KCNIP4: variants seen among roughly 807,000 people sequenced by gnomAD.
The protein encoded by KCNIP4 is Kv channel-interacting protein 4.
In KCNIP4, 12 loss-of-function variants were observed where a neutral mutation model predicts 34.0. That is an observed-to-expected ratio of 0.35 (90% CI 0.23 to 0.57). The LOEUF is 0.57. KCNIP4 is among the 20% of genes least tolerant of loss of function. KCNIP4 has a pLI of 0.83. For synonymous variants in KCNIP4, 124 were observed against 102.2 expected, an observed-to-expected ratio of 1.21 and a Z score of -1.29; for missense variants, 238 against 311.7, an observed-to-expected ratio of 0.76 and a Z score of 1.78.
chr4:20,760,346 T>C (rs1407160631), intron 3 of KCNIP4, among the ~76,000 whole-genome samples: 1 of 152,166 alleles, frequency 6.6e-6, no homozygotes, highest in African/African-American at 2.4e-5. Flanking sequence ...TACTCTAAAT[T>C]TGATACTGTT....
intron 1 of KCNIP4, among the ~76,000 whole-genome samples, chr4:21,102,353 C>T (rs1160893222): frequency 6.6e-6 from 1 of 152,024 alleles, no homozygotes; most frequent in Non-Finnish European, 1.5e-5. Flanking sequence ...ATTAAATATC[C>T]ATGAGCTATA....
chr4:21,204,443 T>A (rs572195225), intron 1 of KCNIP4, among the ~76,000 whole-genome samples: 6 of 152,278 alleles, frequency 3.9e-5, no homozygotes, highest in Admixed American at 3.9e-4. Flanking sequence ...AATCGTAAAG[T>A]GCTTGCAGAA....
At chr4:21,122,615 C>T (rs1481185015) in intron 1 of KCNIP4, among the ~76,000 whole-genome samples, 1 of 152,072 alleles carries the variant, frequency 6.6e-6, no homozygotes, top group East Asian at 1.9e-4. Context: ...ATATGTTGTT[C>T]CACAGTCATT....
intron 1 of KCNIP4, among the ~76,000 whole-genome samples, chr4:21,257,539 G>C (rs1435768251): frequency 6.6e-6 from 1 of 152,034 alleles, no homozygotes; most frequent in Non-Finnish European, 1.5e-5. Context: ...CCTGAGGTCA[G>C]GAGTTTGAGG....
intron 1 of KCNIP4, among the ~76,000 whole-genome samples, chr4:21,047,895 A>T (rs2149787689): frequency 6.6e-6 from 1 of 152,334 alleles, no homozygotes; most frequent in South Asian, 2.1e-4. Context: ...TCATTTTTAA[A>T]AATAAGTTTC....
chr4:21,042,403 G>A (rs981792177), intron 1 of KCNIP4, among the ~76,000 whole-genome samples: 2 of 152,080 alleles, frequency 1.3e-5, no homozygotes, highest in Admixed American at 6.6e-5. Context: ...ATAAGCCTGG[G>A]GAGCATTAGG....
intron 1 of KCNIP4, among the ~76,000 whole-genome samples, chr4:21,630,439 C>A (rs1437082954): frequency 6.9e-6 from 1 of 144,758 alleles, no homozygotes; most frequent in Non-Finnish European, 1.5e-5. Flanking sequence ...AGCCTGGCAA[C>A]AGAGGGAGAT....
At position 20,931,290 on chromosome 4, in the gene KCNIP4, C is replaced by A. The variant is rs145172644; in HGVS notation, c.62-48581G>T. 6.1e-3 allele frequency among the ~76,000 whole-genome samples: 927 copies of A among 151,966 alleles called. 11 individuals carry two copies. The highest frequency in any genetic ancestry group is 0.021 in the African/African-American group (876 of 41,460). ...CCATGACATGGAGGCATGGGTATAC[C>A]TGAAAAATATTATGCTAAATGAAAT... is the stretch of plus-strand genomic sequence containing the variant. On this transcript the variant is annotated intron_variant, in intron 1 of 8. Transcript: ENST00000382152.
At chr4:21,633,033 C>T (rs1745873318) in intron 1 of KCNIP4, among the ~76,000 whole-genome samples, 1 of 152,164 alleles carries the variant, frequency 6.6e-6, no homozygotes, top group African/African-American at 2.4e-5. Flanking sequence ...CTTCGGGTCA[C>T]AGACGTTTTA....
chr4:20,864,123 T>TATACACATCCATGTATGC (rs1722554784), intron 2 of KCNIP4, among the ~76,000 whole-genome samples: 2 of 120,512 alleles, frequency 1.7e-5, no homozygotes, highest in African/African-American at 5.2e-5. Flanking sequence ...CATATCCATG[T>TATACACATCCATGTATGC]ATACACATGT....
At chr4:21,681,216 G>A (rs182847734) in intron 1 of KCNIP4, among the ~76,000 whole-genome samples, 39 of 151,650 alleles carry the variant, frequency 2.6e-4, no homozygotes, top group East Asian at 9.7e-4. Flanking sequence ...CTGGGACTAC[G>A]TACAGTCTCG....
At chr4:20,870,627 C>T (rs966435872) in intron 2 of KCNIP4, among the ~76,000 whole-genome samples, 1 of 152,100 alleles carries the variant, frequency 6.6e-6, no homozygotes, top group African/African-American at 2.4e-5. Flanking sequence ...TTGTGGGATC[C>T]ACTAGAAACC....
At chr4:21,251,822 T>G (rs1577965736) in intron 1 of KCNIP4, among the ~76,000 whole-genome samples, 1 of 123,260 alleles carries the variant, frequency 8.1e-6, no homozygotes, top group African/African-American at 3.2e-5. Flanking sequence ...TGAGAACACA[T>G]GGACACAGGA....
At chr4:20,985,063 C>G (rs994530525) in intron 1 of KCNIP4, among the ~76,000 whole-genome samples, 1 of 152,142 alleles carries the variant, frequency 6.6e-6, no homozygotes, top group Non-Finnish European at 1.5e-5. Context: ...TATCTCCAGT[C>G]TACTGAAGCC....
chr4:21,694,413 G>T (rs558403811), intron 1 of KCNIP4, among the ~76,000 whole-genome samples: 52 of 152,106 alleles, frequency 3.4e-4, no homozygotes, highest in African/African-American at 1.3e-3. Flanking sequence ...TCTGTGATTT[G>T]CTATACATAA....
chr4:21,624,269 A>T (rs1745177518), intron 1 of KCNIP4, among the ~76,000 whole-genome samples: 1 of 152,154 alleles, frequency 6.6e-6, no homozygotes, highest in Non-Finnish European at 1.5e-5. Flanking sequence ...GGGAATAGAG[A>T]AGTTCATAGA....
In KCNIP4 at chr4:21,023,124, A is replaced by T. The variant is rs112096396; in HGVS notation, c.62-140415T>A. Among the ~76,000 whole-genome samples the T allele has an allele frequency of 6.8e-3, 1,038 of 152,236 alleles. 12 individuals carry two copies. Among genetic ancestry groups the T allele is most frequent in the African/African-American group, 0.024 (998 of 41,540 alleles). Reference sequence around the variant, plus strand: ...TTTTTATCCCATAATTACCCCATAAAATTTGAATAAGAAAATGAATGCCTC... The same window carrying T: ...TTTTTATCCCATAATTACCCCATAATATTTGAATAAGAAAATGAATGCCTC... On this transcript the variant is annotated intron_variant, in intron 1 of 8. Coordinates refer to ENST00000382152, the MANE Select transcript of KCNIP4 (RefSeq NM_025221.6).
chr4:20,808,834 C>A (rs1201827397), intron 3 of KCNIP4, among the ~76,000 whole-genome samples: 1 of 152,202 alleles, frequency 6.6e-6, no homozygotes, highest in Non-Finnish European at 1.5e-5. Flanking sequence ...TGGAGCCACT[C>A]TCCCCCATCT....
intron 1 of KCNIP4, among the ~76,000 whole-genome samples, chr4:21,132,176 C>G (rs1262667195): frequency 1.3e-5 from 2 of 152,156 alleles, no homozygotes; most frequent in African/African-American, 4.8e-5. Context: ...GTTTATCAAG[C>G]CTCGTAAAAG....
Sources: gnomAD v4.1 joint callset for allele counts (sites outside exome capture counted in the v4.1 genomes callset) on GRCh38, gnomAD v4.1.1 for gene constraint, MANE v1.5 for transcripts, NCBI Gene and HGNC (gene_info 2026-07-23, HGNC 2026-07-21) for gene names.